Variants in MATN4 observed in about 807,000 individuals in gnomAD.
MATN4 encodes matrilin 4, also known as matrilin-4.
MATN4 carries 40 observed loss-of-function variants against 54.6 expected under a neutral mutation model. The ratio of observed to expected loss-of-function variants is 0.73; its 90% CI spans 0.57 to 0.95. The LOEUF (loss-of-function observed/expected upper bound fraction) is 0.95, where lower values mean the gene tolerates loss of function less well. Among genes scored for constraint, MATN4 ranks in the 40% least tolerant of loss-of-function variants. MATN4 has a pLI of 0.00. For missense variants in MATN4, 810 were observed against 819.1 expected, an observed-to-expected ratio of 0.99 and a Z score of 0.13; for synonymous variants, 351 against 345.3, an observed-to-expected ratio of 1.02 and a Z score of -0.18.
At chr20:45,299,982 T>G (rs138484079) in intron 6 of MATN4, among the ~76,000 whole-genome samples, 48 of 56,844 alleles carry the variant, frequency 8.4e-4, no homozygotes, top group Non-Finnish European at 3.7e-4. Context: ...TGTGTAGGGG[T>G]GTGTGTGTGT....
At chr20:45,295,125 C>A (rs1046877696) in intron 8 of MATN4, among the ~76,000 whole-genome samples, 2 of 152,152 alleles carry the variant, frequency 1.3e-5, no homozygotes, top group African/African-American at 4.8e-5. Context: ...ATAAAGTGCA[C>A]AATAAATGTA....
intron 6 of MATN4, among the ~76,000 whole-genome samples, chr20:45,300,512 C>CT (rs911264846): frequency 9.4e-5 from 14 of 148,158 alleles, no homozygotes; most frequent in East Asian, 3.9e-4. Context: ...GTCTTCCACT[C>CT]TTTTTTTTTT....
chr20:45,294,097 G>T, intron 8 of MATN4, 82 bp from the exon 9 acceptor site: 2 of 1,094,594 alleles, frequency 1.8e-6, no homozygotes, highest in South Asian at 2.7e-5. Flanking sequence ...TGGGCCTATG[G>T]TTGAGTATAT....
At chr20:45,297,500 T>C (rs542787804) in intron 8 of MATN4, among the ~76,000 whole-genome samples, 11 of 152,060 alleles carry the variant, frequency 7.2e-5, no homozygotes, top group Admixed American at 2.0e-4. Flanking sequence ...GCCAAGTTCA[T>C]AAGGTTGAAT....
At chr20:45,294,116 G>C in intron 8 of MATN4, 101 bp from the exon 9 acceptor site, 1 of 884,078 alleles carries the variant, frequency 1.1e-6, no homozygotes, top group Non-Finnish European at 1.7e-6. Flanking sequence ...ATGGGCTTTG[G>C]ATTTAGAGAG....
chr20:45,297,750 T>C (rs190352604), intron 8 of MATN4, among the ~76,000 whole-genome samples, 168 bp downstream of exon 8: 231 of 152,300 alleles, frequency 1.5e-3, no homozygotes, highest in African/African-American at 5.2e-3. Flanking sequence ...AGCTACCGGG[T>C]GACCGCCCTG....
chr20:45,305,457 G>T, intron 2 of MATN4, 53 bp downstream of exon 2: 1 of 1,399,118 alleles, frequency 7.1e-7, no homozygotes, highest in Non-Finnish European at 9.9e-7. Context: ...TGCAGAGGGA[G>T]GACCTGCTTC....
rs78402103 is a variant in MATN4, at chr20:45,294,584, G to T, written c.1580-569C>A. Among the ~76,000 whole-genome samples the T allele has an allele frequency of 5.6e-3, 858 of 152,330 alleles. 5 individuals carry two copies. The highest frequency in any genetic ancestry group is 0.019 in the African/African-American group (791 of 41,556). ...TCAAATATGACTGGTGCTACTAAAGGACTAAAATGTATTTTATTTTAATCA... is the reference window on the plus strand; with the variant it reads ...TCAAATATGACTGGTGCTACTAAAGTACTAAAATGTATTTTATTTTAATCA... On this transcript the variant is annotated intron_variant, in intron 8 of 9. Transcript: ENST00000372756.
At chr20:45,295,644 C>A (rs1985767271) in intron 8 of MATN4, among the ~76,000 whole-genome samples, 1 of 152,112 alleles carries the variant, frequency 6.6e-6, no homozygotes, top group African/African-American at 2.4e-5. Context: ...ACCTCGGCCT[C>A]CCAAAGTGCT....
At position 45,298,159 on chromosome 20, in the gene MATN4, G is replaced by A; in HGVS notation, c.1426+11C>T. 1 of 1,596,612 alleles carries A rather than the reference G, an allele frequency of 6.3e-7. No individual in the cohort carries two copies. Among genetic ancestry groups the A allele is most frequent in the South Asian group, 1.1e-5 (1 of 90,036 alleles). On this transcript the variant is annotated intron_variant, in intron 7 of 9. Transcript: ENST00000372756. This position sits in a 1 kb window ranked among gnomAD's most constrained non-coding sequence, Gnocchi z 4.6. The stretch of plus-strand genomic sequence containing the variant: ...CCAACCCCAGCCCACTGTGTCCCAT[G>A]CCAAGCCCACCTTCCTCCTTGGCGC...
upstream of MATN4, chr20:45,308,565 T>G: frequency 1.1e-5 from 4 of 370,890 alleles, no homozygotes; most frequent in East Asian, 5.2e-5. Flanking sequence ...TAGAAGGCAC[T>G]TCCCTGAGGA....
chr20:45,293,802 C>A lies in MATN4; in HGVS notation c.1711G>T (p.Glu571Ter). The change falls in exon 10 of 10, where the codon GAG (glutamate) becomes TAG (stop). Residue 571 changes from glutamate to a stop codon, truncating the protein, a stop_gained. Transcript: ENST00000372756. LOFTEE classifies it high-confidence loss of function. ...LNLAQLTARL[E>*]DLENQLANQK ...TTGGCCAGCTGGTTCTCCAGATCCT[C>A]CAGGCGCGCCGTCAGCTGGGCCAGT... 1 of 1,611,144 alleles carries A rather than the reference C, an allele frequency of 6.2e-7. No homozygotes were observed. Among genetic ancestry groups the A allele is most frequent in the Non-Finnish European group, 8.5e-7 (1 of 1,179,922 alleles).
chr20:45,293,852 T>G (rs751850286), intron 9 of MATN4, 27 bp from the exon 10 acceptor site: 47 of 1,609,760 alleles, frequency 2.9e-5, no homozygotes, highest in Middle Eastern at 1.7e-4. Context: ...GCCGTTGGGG[T>G]TCGCCGAGGT....
intron 8 of MATN4, among the ~76,000 whole-genome samples, chr20:45,294,360 A>G (rs1985681529): frequency 6.6e-6 from 1 of 152,262 alleles, no homozygotes; most frequent in Admixed American, 6.5e-5. Context: ...GCTTGTTAAA[A>G]TATAGATTCT....
chr20:45,307,707 A>G (rs1352251044), intron 1 of MATN4, among the ~76,000 whole-genome samples: 2 of 152,176 alleles, frequency 1.3e-5, no homozygotes, highest in African/African-American at 4.8e-5. Flanking sequence ...CTCAAAGTTC[A>G]TCACCTTTCC....
chr20:45,305,802 A>AGTCTTTTTTTTTTTTTTT (rs1986586593), intron 1 of MATN4, among the ~76,000 whole-genome samples, 186 bp from the exon 2 acceptor site: 1 of 12,174 alleles, frequency 8.2e-5, no homozygotes, highest in Non-Finnish European at 1.7e-4. Context: ...AACACAAGAG[A>AGTCTTTTTTTTTTTTTTT]TTCTTTTTTT....
chr20:45,308,116 C>T (rs1443057537), intron 1 of MATN4, 59 bp downstream of exon 1: 1 of 1,543,110 alleles, frequency 6.5e-7, no homozygotes, highest in East Asian at 2.3e-5. Flanking sequence ...ACTCGCCTGA[C>T]CTGGCTTGAT....
intron 6 of MATN4, 45 bp downstream of exon 6, chr20:45,300,842 C>A: frequency 6.2e-7 from 1 of 1,606,410 alleles, no homozygotes; most frequent in Non-Finnish European, 8.5e-7. Context: ...CAAATGTGGG[C>A]AATGGGGCAG....
chr20:45,297,013 G>C (rs1985881854), intron 8 of MATN4, among the ~76,000 whole-genome samples: 1 of 151,674 alleles, frequency 6.6e-6, no homozygotes, highest in Non-Finnish European at 1.5e-5. Context: ...GTATTTTTTG[G>C]TAAAGACAGG....
Sources: gnomAD v4.1 joint callset for allele counts (sites outside exome capture counted in the v4.1 genomes callset) on GRCh38, gnomAD v4.1.1 for gene constraint, Gnocchi (gnomAD v3.1) non-coding constraint, MANE v1.5 for transcripts, NCBI Gene and HGNC (gene_info 2026-07-23, HGNC 2026-07-21) for gene names.